Variants in MECOM observed in about 807,000 individuals in gnomAD.
MECOM encodes MDS1 and EVI1 complex locus.
MECOM carries 13 observed loss-of-function variants against 116.3 expected under a neutral mutation model. That is an observed-to-expected ratio of 0.11 (90% CI 0.07 to 0.18). The LOEUF is 0.18. Among genes scored for constraint, MECOM ranks in the 10% least tolerant of loss-of-function variants. The probability of loss-of-function intolerance (pLI) is 1.00; values close to 1 mark genes in which losing one functional copy is unlikely to be tolerated. For missense variants in MECOM, 1,299 were observed against 1,509.0 expected (o/e 0.86, Z 2.31); for synonymous variants, 528 against 535.2 (o/e 0.99, Z 0.19).
chr3:169,199,405 C>A (rs933973274), intron 2 of MECOM, among the ~76,000 whole-genome samples: 1 of 151,882 alleles, frequency 6.6e-6, no homozygotes, highest in African/African-American at 2.4e-5. Context: ...AACTTCTTTT[C>A]TTTTGTTTTC....
intron 1 of MECOM, among the ~76,000 whole-genome samples, chr3:169,649,849 G>A (rs902320052): frequency 2.6e-5 from 4 of 152,066 alleles, no homozygotes; most frequent in Non-Finnish European, 4.4e-5. Context: ...TCCTTGAATG[G>A]TACCTTTTCA....
chr3:169,612,731 A>G (rs1406758238), intron 1 of MECOM, among the ~76,000 whole-genome samples: 2 of 152,146 alleles, frequency 1.3e-5, no homozygotes, highest in Non-Finnish European at 2.9e-5. Context: ...GAACCCACAA[A>G]TTCTCTACAG....
chr3:169,506,916 T>A (rs915745924), intron 1 of MECOM, among the ~76,000 whole-genome samples: 2 of 152,252 alleles, frequency 1.3e-5, no homozygotes, highest in African/African-American at 4.8e-5. Flanking sequence ...TAAGTCATGA[T>A]GGTTGGAAAG....
chr3:169,342,004 T>G (rs1190437998), intron 2 of MECOM, among the ~76,000 whole-genome samples: 1 of 152,030 alleles, frequency 6.6e-6, no homozygotes, highest in African/African-American at 2.4e-5. Flanking sequence ...AATAAAATGA[T>G]TTTTTAATAA....
intron 2 of MECOM, among the ~76,000 whole-genome samples, chr3:169,360,744 A>T (rs1728173097): frequency 6.6e-6 from 1 of 151,862 alleles, no homozygotes; most frequent in Admixed American, 6.6e-5. Context: ...GAATAAGGTC[A>T]ACATCTTGTT....
intron 2 of MECOM, among the ~76,000 whole-genome samples, chr3:169,353,943 T>A (rs1041621615): frequency 8.6e-5 from 13 of 151,850 alleles, no homozygotes; most frequent in African/African-American, 3.1e-4. Context: ...TAGGCAAGTC[T>A]CAAGTTTCTT....
chr3:169,568,201 T>C (rs947052686), intron 1 of MECOM, among the ~76,000 whole-genome samples: 1 of 152,138 alleles, frequency 6.6e-6, no homozygotes, highest in Admixed American at 6.5e-5. Context: ...GATACTATGC[T>C]TTTCCAACTG....
intron 2 of MECOM, among the ~76,000 whole-genome samples, chr3:169,234,273 G>A (rs1753760689): frequency 1.3e-5 from 2 of 151,358 alleles, no homozygotes; most frequent in African/African-American, 4.9e-5. Flanking sequence ...CGATAGCAAG[G>A]GTCAGTTGGC....
intron 7 of MECOM, among the ~76,000 whole-genome samples, chr3:169,119,647 C>A (rs931290850): frequency 1.3e-5 from 2 of 151,770 alleles, no homozygotes; most frequent in Non-Finnish European, 2.9e-5. Flanking sequence ...ATAAAACTTA[C>A]CAAAATTTAT....
At chr3:169,186,713 A>C (rs1267542323) in intron 2 of MECOM, among the ~76,000 whole-genome samples, 1 of 152,114 alleles carries the variant, frequency 6.6e-6, no homozygotes, top group Non-Finnish European at 1.5e-5. Context: ...AATCTGTCTG[A>C]GTTTACACTT....
At chr3:169,653,201 C>T (rs745636094) in intron 1 of MECOM, among the ~76,000 whole-genome samples, 3 of 152,122 alleles carry the variant, frequency 2.0e-5, no homozygotes, top group African/African-American at 4.8e-5. Flanking sequence ...CTTAACTGCA[C>T]AGGTTTTACA....
intron 2 of MECOM, among the ~76,000 whole-genome samples, chr3:169,230,675 A>C (rs751893411): frequency 3.9e-5 from 6 of 152,098 alleles, no homozygotes; most frequent in Non-Finnish European, 5.9e-5. Flanking sequence ...TAGCCTCAAG[A>C]TTTCTGCTGA....
intron 1 of MECOM, among the ~76,000 whole-genome samples, chr3:169,427,432 G>T (rs1488664720): frequency 6.6e-6 from 1 of 152,072 alleles, no homozygotes; most frequent in Non-Finnish European, 1.5e-5. Context: ...TTAATTCTTG[G>T]TCTAAAATAA....
Position 169,238,435 on chromosome 3 carries a change from T to G in MECOM, c.376-94603A>C, listed in dbSNP as rs552352964. 3.3e-5 allele frequency among the ~76,000 whole-genome samples: 5 copies of G among 152,130 alleles called. No individual in the cohort carries two copies. The South Asian group carries it at 1.0e-3, about 32-fold the overall frequency. ...CTGAAACATGAGAGAGCATCAAGTTTGATGTTTTGCTACCTGAAATGACCA... is the reference window on the plus strand; with the variant it reads ...CTGAAACATGAGAGAGCATCAAGTTGGATGTTTTGCTACCTGAAATGACCA... On this transcript the variant is annotated intron_variant, in intron 2 of 16. Coordinates refer to ENST00000651503, the MANE Select transcript of MECOM (RefSeq NM_004991.4).
intron 1 of MECOM, among the ~76,000 whole-genome samples, chr3:169,484,792 C>G (rs911002437): frequency 1.2e-4 from 5 of 41,110 alleles, no homozygotes; most frequent in Non-Finnish European, 3.0e-4. Flanking sequence ...AATTGCTCAT[C>G]AACACTACAA....
At chr3:169,610,490 T>C (rs1408380711) in intron 1 of MECOM, among the ~76,000 whole-genome samples, 1 of 142,554 alleles carries the variant, frequency 7.0e-6, no homozygotes, top group Non-Finnish European at 1.5e-5. Context: ...GATATATATG[T>C]AATGTTACGT....
chr3:169,200,523 A>T (rs1267437217), intron 2 of MECOM, among the ~76,000 whole-genome samples: 1 of 152,094 alleles, frequency 6.6e-6, no homozygotes, highest in Non-Finnish European at 1.5e-5. Flanking sequence ...CATTTAGCAG[A>T]GTTCTAATGA....
intron 1 of MECOM, among the ~76,000 whole-genome samples, chr3:169,663,091 C>T (rs1442502314): frequency 6.8e-6 from 1 of 148,124 alleles, no homozygotes; most frequent in Admixed American, 6.7e-5. Context: ...GGGGTTGCCA[C>T]AGCTGGTCGG....
At chr3:169,236,110 A>G (rs1472944058) in intron 2 of MECOM, among the ~76,000 whole-genome samples, 1 of 152,144 alleles carries the variant, frequency 6.6e-6, no homozygotes, top group East Asian at 1.9e-4. Context: ...TTGCCAGATG[A>G]TTTTGTCCAA....
Sources: gnomAD v4.1 joint callset for allele counts (sites outside exome capture counted in the v4.1 genomes callset) on GRCh38, gnomAD v4.1.1 for gene constraint, MANE v1.5 for transcripts, NCBI Gene and HGNC (gene_info 2026-07-23, HGNC 2026-07-21) for gene names.